The following ARHGAP26 variants were observed in gnomAD, a reference collection of about 807,000 sequenced individuals.
ARHGAP26 encodes rho GTPase-activating protein 26.
Under a neutral mutation model 104.8 loss-of-function variants are expected in ARHGAP26, and 38 were observed. That is an observed-to-expected ratio of 0.36 (90% CI 0.28 to 0.48). The LOEUF (loss-of-function observed/expected upper bound fraction) is 0.48. Ranked by LOEUF, ARHGAP26 falls within the 20% of genes least tolerant of loss-of-function variation. The pLI is 0.99. For synonymous variants in ARHGAP26, 341 were observed against 340.0 expected (o/e 1.00, Z -0.03); for missense variants, 704 against 947.9 (o/e 0.74, Z 3.38).
At chr5:143,038,931 T>C (rs1158412499) in intron 13 of ARHGAP26, among the ~76,000 whole-genome samples, 2 of 152,034 alleles carry the variant, frequency 1.3e-5, no homozygotes, top group Non-Finnish European at 2.9e-5. Context: ...CCTGATCTTG[T>C]GATCCACCCA....
rs574766066 is a variant in ARHGAP26 at position 142,825,393 on chromosome 5, C to G, written c.155-48007C>G. Among the ~76,000 whole-genome samples, 29 of 152,244 alleles carry G rather than the reference C, an allele frequency of 1.9e-4. No individual in the cohort carries two copies. In the South Asian group the frequency reaches 5.8e-3, roughly 30 times the overall value. On this transcript the variant is annotated intron_variant, in intron 1 of 22. Transcript: ENST00000645722. ...ATCCACTGTTGGAGGGGCTGGAGTTCTTGGTGCCCTTCCTGCTCGAGGTGC... is the reference window on the plus strand; with the variant it reads ...ATCCACTGTTGGAGGGGCTGGAGTTGTTGGTGCCCTTCCTGCTCGAGGTGC...
At position 143,136,083 on chromosome 5, in the gene ARHGAP26, A is replaced by C. The variant is rs565426164; in HGVS notation, c.1837+1978A>C. On this transcript the variant is annotated intron_variant, in intron 19 of 22. Transcript: ENST00000645722. ...CGGTGTAGATTAGGAGAGGCTAGAC[A>C]GTATTGGTAAATTCCCTAAGCTTAA... is the stretch of plus-strand genomic sequence containing the variant. Among the ~76,000 whole-genome samples the C allele has an allele frequency of 1.0e-3, 159 of 152,334 alleles. 5 individuals are homozygous for C. In the South Asian group the frequency reaches 0.031, roughly 30 times the overall value.
At chr5:142,806,096 T>C (rs1561871761) in intron 1 of ARHGAP26, among the ~76,000 whole-genome samples, 1 of 152,158 alleles carries the variant, frequency 6.6e-6, no homozygotes, top group Non-Finnish European at 1.5e-5. Flanking sequence ...ATGAAGACTT[T>C]TTGTTGTTGT....
intron 19 of ARHGAP26, among the ~76,000 whole-genome samples, chr5:143,142,901 A>G (rs917089605): frequency 7.9e-5 from 12 of 152,206 alleles, no homozygotes; most frequent in African/African-American, 2.2e-4. Context: ...ACAGCACAGG[A>G]AAGCCTCTGG....
chr5:142,829,779 C>T (rs1401750891), intron 1 of ARHGAP26, among the ~76,000 whole-genome samples: 3 of 152,296 alleles, frequency 2.0e-5, no homozygotes, highest in East Asian at 3.9e-4. Context: ...TGGCTGTCTC[C>T]ACTGCCCCTT....
At position 142,928,196 on chromosome 5, in the gene ARHGAP26, T is replaced by C. The variant is rs191292177; in HGVS notation, c.1029-3851T>C. ...TTGGTGAAGTCCAATTTTTCAATATTTTTTCTTTATGATTAGGACTTTTTG... is the reference window on the plus strand; with the variant it reads ...TTGGTGAAGTCCAATTTTTCAATATCTTTTCTTTATGATTAGGACTTTTTG... On this transcript the variant is annotated intron_variant, in intron 10 of 22. Coordinates refer to ENST00000645722, the MANE Select transcript of ARHGAP26 (RefSeq NM_001135608.3). Among the ~76,000 whole-genome samples the C allele has an allele frequency of 3.6e-3, 546 of 152,008 alleles. 2 individuals are homozygous for C. The highest frequency in any genetic ancestry group is 3.5e-3 in the Non-Finnish European group (236 of 67,996).
At chr5:142,950,808 A>C (rs925060264) in intron 11 of ARHGAP26, among the ~76,000 whole-genome samples, 1 of 152,210 alleles carries the variant, frequency 6.6e-6, no homozygotes, top group Admixed American at 6.5e-5. Flanking sequence ...AAAACTGTTC[A>C]GGAATGTGGA....
intron 15 of ARHGAP26, 28 bp from the exon 16 acceptor site, chr5:143,056,000 C>A (rs753454411): frequency 6.4e-7 from 1 of 1,563,960 alleles, no homozygotes; most frequent in South Asian, 1.1e-5. Context: ...TATTATTAAG[C>A]TGACTAGCCT....
chr5:143,138,044 G>A (rs1313097608), intron 19 of ARHGAP26, among the ~76,000 whole-genome samples: 1 of 152,200 alleles, frequency 6.6e-6, no homozygotes, highest in Admixed American at 6.5e-5. Context: ...TTGCCAGAAG[G>A]GGTTTTTCCT....
chr5:143,030,425 C>G (rs1029170648), intron 12 of ARHGAP26, among the ~76,000 whole-genome samples: 1 of 152,188 alleles, frequency 6.6e-6, no homozygotes, highest in African/African-American at 2.4e-5. Context: ...CCAGGAAAAC[C>G]TAAATTTGCT....
At position 143,067,865 on chromosome 5, in the gene ARHGAP26, T is replaced by C. The variant is rs75953463; in HGVS notation, c.1538+10118T>C. Among the ~76,000 whole-genome samples, 241 of 152,292 alleles carry C rather than the reference T, an allele frequency of 1.6e-3. 6 individuals carry two copies. The East Asian group carries it at 0.037, about 24-fold the overall frequency. On this transcript the variant is annotated intron_variant, in intron 17 of 22. Coordinates refer to ENST00000645722, the MANE Select transcript of ARHGAP26 (RefSeq NM_001135608.3). ...CAACAGATGTCAACTGTGGTTAATTTAAAACATAAAAACAGGGTCCAAGAG... is the reference window on the plus strand; with the variant it reads ...CAACAGATGTCAACTGTGGTTAATTCAAAACATAAAAACAGGGTCCAAGAG...
At chr5:142,872,332 C>G (rs1248092646) in intron 1 of ARHGAP26, among the ~76,000 whole-genome samples, 1 of 152,080 alleles carries the variant, frequency 6.6e-6, no homozygotes, top group Non-Finnish European at 1.5e-5. Flanking sequence ...CCACAGTACA[C>G]CCCCCCACCA....
chr5:143,220,613 T>A (rs571018636), intron 22 of ARHGAP26, among the ~76,000 whole-genome samples: 5 of 152,314 alleles, frequency 3.3e-5, no homozygotes, highest in African/African-American at 1.2e-4. Context: ...GAGGCCAGGT[T>A]GCTTTTAAGT....
intron 11 of ARHGAP26, among the ~76,000 whole-genome samples, chr5:142,997,420 G>C (rs186420509): frequency 6.6e-6 from 1 of 152,014 alleles, no homozygotes; most frequent in East Asian, 1.9e-4. Flanking sequence ...TTCTTGAGGG[G>C]TTGGTGGGGA....
chr5:143,041,989 A>T (rs1783539153), intron 14 of ARHGAP26, 99 bp downstream of exon 14: 3 of 1,030,282 alleles, frequency 2.9e-6, no homozygotes, highest in Middle Eastern at 2.1e-4. Flanking sequence ...TGGCAAAGGA[A>T]TCGGGGTGTC....
At chr5:142,822,190 A>G (rs891113822) in intron 1 of ARHGAP26, among the ~76,000 whole-genome samples, 1 of 152,008 alleles carries the variant, frequency 6.6e-6, no homozygotes, top group Non-Finnish European at 1.5e-5. Flanking sequence ...CCATCTTTCT[A>G]TCACACTAAC....
intron 1 of ARHGAP26, among the ~76,000 whole-genome samples, chr5:142,801,764 A>G (rs1762116016): frequency 6.6e-6 from 1 of 151,882 alleles, no homozygotes; most frequent in Non-Finnish European, 1.5e-5. Flanking sequence ...CCTTGCAAGG[A>G]ATAGGGACGA....
intron 11 of ARHGAP26, among the ~76,000 whole-genome samples, chr5:142,953,007 C>A (rs1768632249): frequency 2.0e-5 from 3 of 152,156 alleles, no homozygotes; most frequent in Admixed American, 1.3e-4. Context: ...CAGCACCCGG[C>A]CCCAACTGTG....
At chr5:143,158,167 G>A (rs1459404147) in intron 20 of ARHGAP26, among the ~76,000 whole-genome samples, 2 of 151,938 alleles carry the variant, frequency 1.3e-5, no homozygotes, top group African/African-American at 4.8e-5. Context: ...ATTTCTTTCC[G>A]TGGTGGCAGT....
Sources: gnomAD v4.1 joint callset for allele counts (sites outside exome capture counted in the v4.1 genomes callset) on GRCh38, gnomAD v4.1.1 for gene constraint, MANE v1.5 for transcripts, NCBI Gene and HGNC (gene_info 2026-07-23, HGNC 2026-07-21) for gene names.